The following MYLK4 variants were observed in gnomAD, a reference collection of about 807,000 sequenced individuals.
The protein encoded by MYLK4 is myosin light chain kinase family member 4.
In MYLK4, 46 loss-of-function variants were observed where a neutral mutation model predicts 48.1. The ratio of observed to expected loss-of-function variants is 0.96; its 90% CI spans 0.75 to 1.22. The LOEUF (loss-of-function observed/expected upper bound fraction) is 1.22. Among genes scored for constraint, MYLK4 ranks in the 50% most tolerant of loss-of-function variants. MYLK4 has a pLI of 0.00. For synonymous variants in MYLK4, 170 were observed against 180.8 expected (o/e 0.94, Z 0.48); for missense variants, 451 against 486.1 (o/e 0.93, Z 0.68).
At chr6:2,691,164 C>T (rs1196180762) in intron 3 of MYLK4, among the ~76,000 whole-genome samples, 1 of 152,168 alleles carries the variant, frequency 6.6e-6, no homozygotes, top group Non-Finnish European at 1.5e-5. Flanking sequence ...TGAGACTAAA[C>T]CTTTATCAGT....
intron 2 of MYLK4, among the ~76,000 whole-genome samples, chr6:2,693,082 A>G (rs907248499): frequency 5.9e-5 from 9 of 152,200 alleles, no homozygotes; most frequent in African/African-American, 2.2e-4. Context: ...GGGGAGCAAA[A>G]TCACCCGTCA....
the MYLK4 span, among the ~76,000 whole-genome samples, chr6:2,763,047 A>G: frequency 6.6e-6 from 1 of 152,210 alleles, no homozygotes; most frequent in African/African-American, 2.4e-5. Flanking sequence ...GCCTGCTTTT[A>G]TTCTCTCATC....
intron 2 of MYLK4, among the ~76,000 whole-genome samples, chr6:2,716,503 A>T (rs1348313252): frequency 6.6e-6 from 1 of 152,176 alleles, no homozygotes; most frequent in Non-Finnish European, 1.5e-5. Context: ...CGAGTATTCT[A>T]TTTCAGTTAT....
intron 4 of MYLK4, among the ~76,000 whole-genome samples, chr6:2,686,997 C>T (rs1408593339): frequency 6.6e-6 from 1 of 152,182 alleles, no homozygotes; most frequent in Non-Finnish European, 1.5e-5. Context: ...TGTGCAAGGG[C>T]CCTGAAGGTT....
the MYLK4 span, among the ~76,000 whole-genome samples, chr6:2,756,243 G>A: frequency 6.6e-6 from 1 of 152,182 alleles, no homozygotes; most frequent in South Asian, 2.1e-4. Flanking sequence ...ACTCTCTTTA[G>A]TATCAGGATG....
intron 2 of MYLK4, among the ~76,000 whole-genome samples, chr6:2,717,158 T>C (rs72831581): frequency 0.06 from 9,078 of 152,198 alleles, 396 homozygotes; most frequent in Non-Finnish European, 0.092. Context: ...TCCAGGAACG[T>C]CTTGAGGAAA....
intron 2 of MYLK4, among the ~76,000 whole-genome samples, chr6:2,737,769 C>G (rs1763733500): frequency 6.6e-6 from 1 of 152,064 alleles, no homozygotes; most frequent in South Asian, 2.1e-4. Context: ...CTTCAGGAAA[C>G]TAGATCTGTA....
At chr6:2,765,432 G>T in the MYLK4 span, 20 of 589,058 alleles carry the variant, frequency 3.4e-5, no homozygotes, top group Admixed American at 9.1e-4. Context: ...GCCAGCGGCC[G>T]GCCGAGGGCG....
At chr6:2,744,248 G>C (rs942961522) in intron 2 of MYLK4, 1 of 371,570 alleles carries the variant, frequency 2.7e-6, no homozygotes, top group Admixed American at 4.6e-5. Context: ...AAATACGATG[G>C]CCTTGTGTGA....
intron 2 of MYLK4, among the ~76,000 whole-genome samples, chr6:2,715,427 T>C (rs1762833325): frequency 6.6e-6 from 1 of 152,174 alleles, no homozygotes; most frequent in African/African-American, 2.4e-5. Context: ...TTACTACAAT[T>C]TTTTTAAGTC....
At chr6:2,765,987 T>G in the MYLK4 span, 2 of 1,395,506 alleles carry the variant, frequency 1.4e-6, no homozygotes, top group Non-Finnish European at 1.9e-6. Context: ...GGCGCCCGCC[T>G]TATCCCCGAC....
At chr6:2,695,115 A>C (rs557080927) in intron 2 of MYLK4, among the ~76,000 whole-genome samples, 1 of 152,360 alleles carries the variant, frequency 6.6e-6, no homozygotes, top group South Asian at 2.1e-4. Flanking sequence ...ATTTAAGTCC[A>C]ATTTTGAAAG....
Position 2,700,990 on chromosome 6 carries a change from A to G in MYLK4, c.160-8131T>C, listed in dbSNP as rs547296599. Among the ~76,000 whole-genome samples the G allele has an allele frequency of 3.5e-4, 53 of 152,246 alleles. 1 individual carries two copies. The highest frequency in any genetic ancestry group is 3.4e-3 in the Middle Eastern group (1 of 294). The stretch of plus-strand genomic sequence containing the variant: ...AGAATAGCACCTGAGCACTTCAAAA[A>G]CTGTGCAGTGAGGCTACTAAGAAAT... On this transcript the variant is annotated intron_variant, in intron 2 of 12. Coordinates refer to ENST00000274643, the MANE Select transcript of MYLK4 (RefSeq NM_001012418.5).
the MYLK4 span, among the ~76,000 whole-genome samples, chr6:2,764,852 T>C: frequency 1.3e-5 from 2 of 152,240 alleles, no homozygotes; most frequent in South Asian, 2.1e-4. Context: ...CCCTGACCAC[T>C]ACTGAGGTGA....
rs555350888 is a variant in MYLK4 at position 2,709,039 on chromosome 6, A to T, written c.160-16180T>A. On this transcript the variant is annotated intron_variant, in intron 2 of 12. Transcript: ENST00000274643. ...CTCATCATTTATGTTTAATCAGAAC[A>T]ACTCACTGCTATTTGACATTTCTTC... Among the ~76,000 whole-genome samples the T allele has an allele frequency of 2.6e-5, 4 of 152,270 alleles. No individual in the cohort carries two copies. In the South Asian group the frequency reaches 6.2e-4, roughly 24 times the overall value.
chr6:2,729,797 G>T (rs1425442221), intron 2 of MYLK4, among the ~76,000 whole-genome samples: 2 of 151,966 alleles, frequency 1.3e-5, no homozygotes, highest in African/African-American at 2.4e-5. Context: ...ACCCTGTTAG[G>T]ACCTATATGA....
the MYLK4 span, among the ~76,000 whole-genome samples, chr6:2,764,012 ATTCCAGC>A: frequency 2.6e-5 from 4 of 152,190 alleles, no homozygotes; most frequent in African/African-American, 7.2e-5. Context: ...GACGCCCGTA[ATTCCAGC>A]TACTCGAGAG....
chr6:2,745,558 T>G (rs1764056312), intron 2 of MYLK4, among the ~76,000 whole-genome samples: 1 of 152,148 alleles, frequency 6.6e-6, no homozygotes, highest in Admixed American at 6.5e-5. Flanking sequence ...TAGGTAGAAT[T>G]TAGGTGATTT....
At chr6:2,678,565 G>A (rs900069339) in intron 9 of MYLK4, among the ~76,000 whole-genome samples, 193 bp from the exon 10 acceptor site, 2 of 152,100 alleles carry the variant, frequency 1.3e-5, no homozygotes, top group Admixed American at 1.3e-4. Flanking sequence ...CTGAACAACT[G>A]CAGCAATAAC....
Sources: gnomAD v4.1 joint callset for allele counts (sites outside exome capture counted in the v4.1 genomes callset) on GRCh38, gnomAD v4.1.1 for gene constraint, MANE v1.5 for transcripts, NCBI Gene and HGNC (gene_info 2026-07-23, HGNC 2026-07-21) for gene names.